The following ZFHX3 variants were observed in gnomAD, a reference collection of about 807,000 sequenced individuals.
ZFHX3 encodes the protein zinc finger homeobox 3.
ZFHX3 carries 42 observed loss-of-function variants against 279.1 expected under a neutral mutation model. The ratio of observed to expected loss-of-function variants is 0.15; its 90% CI spans 0.12 to 0.19. The LOEUF is 0.19. Among genes scored for constraint, ZFHX3 ranks in the 10% least tolerant of loss-of-function variants. ZFHX3 has a pLI of 1.00. For missense variants in ZFHX3, 4,981 were observed against 4,754.0 expected (o/e 1.05, Z -1.40); for synonymous variants, 2,293 against 1,957.8 (o/e 1.17, Z -4.52).
At chr16:73,525,620 G>A (rs1359679375) in intron 2 of ZFHX3, among the ~76,000 whole-genome samples, 1 of 152,104 alleles carries the variant, frequency 6.6e-6, no homozygotes, top group African/African-American at 2.4e-5. Context: ...TGTACCCCAA[G>A]ATACCACTAA....
chr16:72,841,847 G>C (rs1465852096), intron 4 of ZFHX3, among the ~76,000 whole-genome samples: 1 of 152,182 alleles, frequency 6.6e-6, no homozygotes, highest in African/African-American at 2.4e-5. Context: ...TAGTCATCAA[G>C]ACAAACACTT....
chr16:72,796,341 A>G lies in ZFHX3; in HGVS notation c.6341T>C (p.Leu2114Pro), dbSNP rs2035900174. 1 of 1,614,056 alleles carries G rather than the reference A, an allele frequency of 6.2e-7. No individual in the cohort carries two copies. The highest frequency in any genetic ancestry group is 8.5e-7 in the Non-Finnish European group (1 of 1,180,014). ...TMPLQTLPAQ[L>P]PPQLGPVEPL... Reference sequence around the variant, plus strand: ...CTCCACAGGTCCCAGCTGCGGGGGTAGCTGAGCCGGCAAGGTCTGCAGCGG... The same window carrying G: ...CTCCACAGGTCCCAGCTGCGGGGGTGGCTGAGCCGGCAAGGTCTGCAGCGG... Residue 2114 changes from leucine to proline, a missense_variant, in exon 9 of 10, where the codon CTA becomes CCA. Transcript: ENST00000268489.
chr16:73,370,562 G>C (rs2016610070), intron 3 of ZFHX3, among the ~76,000 whole-genome samples: 1 of 152,140 alleles, frequency 6.6e-6, no homozygotes, highest in Non-Finnish European at 1.5e-5. Context: ...TAAAGCCCGT[G>C]TGCTAACCCC....
intron 1 of ZFHX3, among the ~76,000 whole-genome samples, chr16:73,769,938 G>A (rs1333341894): frequency 6.6e-6 from 1 of 152,204 alleles, no homozygotes; most frequent in Non-Finnish European, 1.5e-5. Flanking sequence ...AATAAAGAAA[G>A]TAGTGATATT....
intron 1 of ZFHX3, among the ~76,000 whole-genome samples, chr16:73,841,988 G>A (rs1961320660): frequency 6.6e-6 from 1 of 152,048 alleles, no homozygotes; most frequent in Non-Finnish European, 1.5e-5. Flanking sequence ...GCTGAGGCAG[G>A]TGGATCACTT....
chr16:72,946,575 C>A (rs185968749), intron 3 of ZFHX3, among the ~76,000 whole-genome samples: 1 of 152,312 alleles, frequency 6.6e-6, no homozygotes, highest in Admixed American at 6.5e-5. Flanking sequence ...CTGTGCCCCG[C>A]CCCCTCCGGG....
intron 5 of ZFHX3, among the ~76,000 whole-genome samples, chr16:73,219,520 A>G (rs1367363948): frequency 2.0e-5 from 3 of 152,248 alleles, no homozygotes; most frequent in Non-Finnish European, 4.4e-5. Context: ...GGGCAGGATA[A>G]TACTGAGGCA....
intron 1 of ZFHX3, among the ~76,000 whole-genome samples, chr16:73,805,402 C>T (rs1319751513): frequency 6.6e-6 from 1 of 152,134 alleles, no homozygotes; most frequent in African/African-American, 2.4e-5. Flanking sequence ...CTCCTGACTG[C>T]AGGTGATCCG....
chr16:73,392,603 T>A (rs1273119716), intron 3 of ZFHX3, among the ~76,000 whole-genome samples: 1 of 151,926 alleles, frequency 6.6e-6, no homozygotes, highest in Non-Finnish European at 1.5e-5. Flanking sequence ...TGCAACAAGC[T>A]GGAAGGACTA....
In ZFHX3 at chr16:72,957,824, C is replaced by A. The variant is rs548511367; in HGVS notation, c.2322G>T (p.Ala774=). 1.2e-6 allele frequency: 2 copies of A among 1,607,566 alleles called. No individual in the cohort carries two copies. The highest frequency in any genetic ancestry group is 2.2e-5 in the East Asian group (1 of 44,708). ...CCGCCGCCGCCGCAGCCACCGCCGC[C>A]GCCGCCGCCCCGGCAGTGTGGCTGA... ...QVFSHTAGAA[A]AAVAAAAAAA... Residue 774 remains alanine, a synonymous_variant, in exon 2 of 10, where the codon GCG becomes GCT. Transcript: ENST00000268489.
At chr16:73,653,442 G>T (rs2052690769) in intron 2 of ZFHX3, among the ~76,000 whole-genome samples, 1 of 152,040 alleles carries the variant, frequency 6.6e-6, no homozygotes, top group Non-Finnish European at 1.5e-5. Flanking sequence ...AATAAAACTA[G>T]AAAATCTCCC....
chr16:72,914,455 C>G (rs922713130), intron 3 of ZFHX3, among the ~76,000 whole-genome samples: 1 of 152,268 alleles, frequency 6.6e-6, no homozygotes, highest in South Asian at 2.1e-4. Context: ...TTAGAGTTCA[C>G]TGTGACAAAG....
At chr16:73,100,860 G>A (rs930301256) in intron 7 of ZFHX3, among the ~76,000 whole-genome samples, 4 of 152,138 alleles carry the variant, frequency 2.6e-5, no homozygotes, top group Non-Finnish European at 5.9e-5. Flanking sequence ...GCCTCCCAAT[G>A]TGCTGAGATT....
intron 1 of ZFHX3, among the ~76,000 whole-genome samples, chr16:73,845,764 T>C (rs150430743): frequency 3.7e-3 from 558 of 152,348 alleles, no homozygotes; most frequent in Non-Finnish European, 4.9e-3. Flanking sequence ...AAGTAAGGCA[T>C]GTCTCACTCA....
In ZFHX3 at chr16:72,811,932, T is replaced by C; in HGVS notation, c.3636A>G (p.Lys1212=). The C allele has an allele frequency of 6.2e-7, 1 of 1,614,078 alleles. No individual in the cohort carries two copies. The highest frequency in any genetic ancestry group is 8.5e-7 in the Non-Finnish European group (1 of 1,180,016). The change falls in exon 6 of 10, where the codon AAA becomes AAG. Residue 1212 remains lysine, a synonymous_variant. Coordinates refer to ENST00000268489, the MANE Select transcript of ZFHX3 (RefSeq NM_006885.4). ...SESPLSSKRP[K]TAEEIKPEQM... is the part of the protein sequence containing the mutation. ...GCTCCGGTTTGATCTCCTCAGCTGT[T>C]TTTGGTCGCTTCGAAGAGAGGGGAG...
intron 2 of ZFHX3, among the ~76,000 whole-genome samples, chr16:73,483,786 A>G (rs1175726375): frequency 1.3e-5 from 2 of 152,096 alleles, no homozygotes; most frequent in African/African-American, 2.4e-5. Flanking sequence ...AGCCATGGTA[A>G]TTGGGAGGTG....
chr16:73,106,949 T>A (rs1012418560), intron 7 of ZFHX3, among the ~76,000 whole-genome samples: 1 of 152,168 alleles, frequency 6.6e-6, no homozygotes, highest in African/African-American at 2.4e-5. Flanking sequence ...GGACTAACAG[T>A]CCATCTAACC....
At position 73,165,687 on chromosome 16, in the gene ZFHX3, G is replaced by A. The variant is rs72797307; in HGVS notation, c.-1103-21856C>T. On this transcript the variant is annotated intron_variant, in intron 5 of 17. Coordinates refer to the ZFHX3 transcript ENST00000641206. ...TCCCTACCCCTCCCCACCAAAGCAAGAGCCTAGCTGTGGGGTAGAGTACGT... is the reference window on the plus strand; with the variant it reads ...TCCCTACCCCTCCCCACCAAAGCAAAAGCCTAGCTGTGGGGTAGAGTACGT... Among the ~76,000 whole-genome samples, 1,417 of 152,258 alleles carry A rather than the reference G, an allele frequency of 9.3e-3. 6 individuals are homozygous for A. Among genetic ancestry groups the A allele is most frequent in the Middle Eastern group, 0.014 (4 of 294 alleles).
At chr16:73,153,047 T>A (rs1392370786) in intron 5 of ZFHX3, among the ~76,000 whole-genome samples, 1 of 152,144 alleles carries the variant, frequency 6.6e-6, no homozygotes, top group African/African-American at 2.4e-5. Context: ...AGCTGGGTTG[T>A]CAGATTTTAG....
Sources: allele counts gnomAD v4.1 joint callset (sites outside exome capture counted in the v4.1 genomes callset), GRCh38; gene constraint gnomAD v4.1.1; transcripts MANE v1.5; gene names NCBI Gene and HGNC (gene_info 2026-07-23, HGNC 2026-07-21).